The following NEBL variants were observed in gnomAD, a reference collection of about 807,000 sequenced individuals.
The protein encoded by NEBL is nebulette.
In NEBL, 122 loss-of-function variants were observed where a neutral mutation model predicts 140.2. The ratio of observed to expected loss-of-function variants is 0.87; its 90% CI spans 0.75 to 1.01. NEBL has a LOEUF of 1.01. Ranked by LOEUF, NEBL falls within the 50% of genes least tolerant of loss-of-function variation. The pLI is 0.00. For synonymous variants in NEBL, 436 were observed against 398.9 expected (o/e 1.09, Z -1.11); for missense variants, 1,365 against 1,231.3 (o/e 1.11, Z -1.62).
chr10:21,197,191 G>T (rs1290276783), intron 3 of NEBL, among the ~76,000 whole-genome samples: 1 of 152,232 alleles, frequency 6.6e-6, no homozygotes, highest in Non-Finnish European at 1.5e-5. Flanking sequence ...CCCTGGCTGT[G>T]CATCAGAATC....
chr10:21,136,901 T>C (rs1007652144), intron 2 of NEBL, among the ~76,000 whole-genome samples: 4 of 152,176 alleles, frequency 2.6e-5, no homozygotes, highest in Non-Finnish European at 5.9e-5. Flanking sequence ...CCCCAATGAG[T>C]CATGGATTGG....
chr10:21,131,474 A>C (rs1156326696), intron 2 of NEBL, among the ~76,000 whole-genome samples: 3 of 152,156 alleles, frequency 2.0e-5, no homozygotes, highest in African/African-American at 7.2e-5. Context: ...GTGGGCCTGT[A>C]CTCTGCTCAC....
intron 3 of NEBL, among the ~76,000 whole-genome samples, chr10:21,223,052 C>T (rs1035372875): frequency 9.9e-5 from 15 of 152,216 alleles, no homozygotes; most frequent in Non-Finnish European, 8.8e-5. Context: ...CATGAGCCAT[C>T]GCGCCTGGCT....
At chr10:21,016,067 C>T (rs769056563) in intron 3 of NEBL, among the ~76,000 whole-genome samples, 1 of 152,244 alleles carries the variant, frequency 6.6e-6, no homozygotes, top group African/African-American at 2.4e-5. Context: ...TGGGCTGCTG[C>T]GGGCCCGTGG....
intron 3 of NEBL, among the ~76,000 whole-genome samples, chr10:20,998,426 T>C (rs1317295340): frequency 6.6e-6 from 1 of 152,186 alleles, no homozygotes; most frequent in East Asian, 1.9e-4. Flanking sequence ...TGTCTGTTAT[T>C]GTTTCCAATA....
chr10:21,224,089 A>G (rs1842111826), intron 3 of NEBL, among the ~76,000 whole-genome samples: 1 of 152,042 alleles, frequency 6.6e-6, no homozygotes, highest in Non-Finnish European at 1.5e-5. Flanking sequence ...GGAATTTGCC[A>G]CTCCAATGTC....
chr10:20,818,694 T>A, intron 20 of NEBL: 5 of 676,466 alleles, frequency 7.4e-6, no homozygotes, highest in Non-Finnish European at 7.3e-6. Flanking sequence ...GGATAGAAAG[T>A]GGGTCTTACC....
chr10:21,023,102 T>C (rs774649369), intron 2 of NEBL, among the ~76,000 whole-genome samples: 7 of 152,236 alleles, frequency 4.6e-5, no homozygotes, highest in Non-Finnish European at 1.0e-4. Context: ...ATGTAGCAAC[T>C]ACGTATGGCT....
chr10:21,097,270 C>T (rs1837237508), intron 2 of NEBL, among the ~76,000 whole-genome samples: 1 of 150,818 alleles, frequency 6.6e-6, no homozygotes, highest in South Asian at 2.1e-4. Flanking sequence ...ACCAGCCTGA[C>T]CAACATTGTG....
chr10:21,063,211 G>A (rs889980456), intron 2 of NEBL, among the ~76,000 whole-genome samples: 1 of 152,086 alleles, frequency 6.6e-6, no homozygotes, highest in African/African-American at 2.4e-5. Context: ...TTCCGATCTT[G>A]CTCCCCCATA....
At chr10:21,087,865 A>G (rs541512215) in intron 2 of NEBL, among the ~76,000 whole-genome samples, 1 of 152,346 alleles carries the variant, frequency 6.6e-6, no homozygotes, top group African/African-American at 2.4e-5. Flanking sequence ...AGAATCAGAA[A>G]ATGGACATGT....
At chr10:20,905,157 C>T (rs1267564539) in intron 4 of NEBL, among the ~76,000 whole-genome samples, 2 of 152,140 alleles carry the variant, frequency 1.3e-5, no homozygotes, top group African/African-American at 4.8e-5. Context: ...ATAACTTACA[C>T]AAACACATGA....
intron 1 of NEBL, among the ~76,000 whole-genome samples, chr10:21,288,939 C>A (rs1336169514): frequency 2.8e-5 from 4 of 144,046 alleles, no homozygotes. Flanking sequence ...ACCTCTGCCT[C>A]CCGGGTTCAA....
chr10:20,907,134 T>C lies in NEBL; in HGVS notation c.357+54538A>G, dbSNP rs1212351960. Among the ~76,000 whole-genome samples, 3 of 152,102 alleles carry C rather than the reference T, an allele frequency of 2.0e-5. No homozygotes were observed. In the East Asian group the frequency reaches 5.8e-4, roughly 29 times the overall value. ...GGCTATTTTTCAATTTGATCATATA[T>C]ACCTTAAGCATGGAAAAAACCTTTA... On this transcript the variant is annotated intron_variant, in intron 4 of 6. Coordinates refer to the NEBL transcript ENST00000417816.
chr10:20,839,663 C>T (rs935061558), intron 13 of NEBL, among the ~76,000 whole-genome samples: 10 of 152,240 alleles, frequency 6.6e-5, no homozygotes, highest in South Asian at 2.1e-4. Flanking sequence ...TTCTATAAGA[C>T]ACTGTTAAAC....
intron 2 of NEBL, among the ~76,000 whole-genome samples, chr10:21,075,807 G>T (rs1418160404): frequency 6.6e-6 from 1 of 152,084 alleles, no homozygotes; most frequent in Admixed American, 6.5e-5. Context: ...TTGGTATCCA[G>T]AATATAAAAA....
chr10:21,277,749 A>C (rs1161424367), intron 1 of NEBL, among the ~76,000 whole-genome samples: 1 of 152,154 alleles, frequency 6.6e-6, no homozygotes, highest in African/African-American at 2.4e-5. Context: ...GGGCCTTTCC[A>C]TGTTAACATA....
At chr10:20,928,598 G>A (rs541992150) in intron 4 of NEBL, among the ~76,000 whole-genome samples, 40 of 152,232 alleles carry the variant, frequency 2.6e-4, no homozygotes, top group Admixed American at 2.3e-3. Flanking sequence ...ACTTTCCCCT[G>A]CCCAAAACTG....
At chr10:21,262,696 A>C (rs1388801285) in intron 1 of NEBL, among the ~76,000 whole-genome samples, 1 of 152,172 alleles carries the variant, frequency 6.6e-6, no homozygotes, top group Non-Finnish European at 1.5e-5. Context: ...GTGTCTGAGC[A>C]CATTGGTTGA....
Sources: allele counts gnomAD v4.1 joint callset (sites outside exome capture counted in the v4.1 genomes callset), GRCh38; gene constraint gnomAD v4.1.1; transcripts MANE v1.5; gene names NCBI Gene and HGNC (gene_info 2026-07-23, HGNC 2026-07-21).